ZBTB8B: variants seen among roughly 807,000 people sequenced by gnomAD.
ZBTB8B encodes zinc finger and BTB domain containing 8B.
Under a neutral mutation model 30.3 loss-of-function variants are expected in ZBTB8B, and 17 were observed. The observed-to-expected ratio is 0.56, with a 90% CI of 0.38 to 0.84. The LOEUF is 0.84. Among genes scored for constraint, ZBTB8B ranks in the 40% least tolerant of loss-of-function variants. The pLI is 0.00. For missense variants in ZBTB8B, 515 were observed against 644.9 expected (o/e 0.80, Z 2.18); for synonymous variants, 248 against 255.6 (o/e 0.97, Z 0.28).
At position 32,487,415 on chromosome 1, in the gene ZBTB8B, G is replaced by A. The variant is rs969167316; in HGVS notation, c.*1997G>A. ...GCTTTGTCTTCTTGAGTGAGGTATG[G>A]ACCAGTTCAGTTCTGGTCAGCTAGA... On this transcript the variant is annotated 3_prime_UTR_variant, in exon 4 of 4. Transcript: ENST00000609129. 6.6e-6 allele frequency: 1 copy of A among 152,244 alleles called. No individual in the cohort carries two copies. Among genetic ancestry groups the A allele is most frequent in the African/African-American group, 2.4e-5 (1 of 41,458 alleles). The allele number at this position is 152,244 out of a possible 1,614,324, so 9.4% of individuals were successfully genotyped here.
rs766850865 is a variant in ZBTB8B, at chr1:32,471,121, A to AG, written c.501dup (p.Thr168AspfsTer29). ...AGTGAAAGCCCCAGTTCAGGCCGGGAGGGGACCTCCTGTGGTACCAAGAGC... is the reference window on the plus strand; with the variant it reads ...AGTGAAAGCCCCAGTTCAGGCCGGGAGGGGGACCTCCTGTGGTACCAAGAGC... On this transcript the variant is annotated frameshift_variant, in exon 2 of 4. Coordinates refer to ENST00000609129, the MANE Select transcript of ZBTB8B (RefSeq NM_001145720.2). LOFTEE classifies it high-confidence loss of function. 1 of 1,551,590 alleles carries AG rather than the reference A, an allele frequency of 6.4e-7. No individual in the cohort carries two copies. The highest frequency in any genetic ancestry group is 1.2e-5 in the South Asian group (1 of 84,060).
At position 32,470,673 on chromosome 1, in the gene ZBTB8B, C is replaced by A. The variant is rs1198704704; in HGVS notation, c.49C>A (p.Gln17Lys). The change falls in exon 2 of 4, where the codon CAG becomes AAG. Residue 17 changes from glutamine (Q) to lysine (K), a missense_variant. By Grantham distance (53) the Gln-to-Lys change is moderately conservative. Transcript: ENST00000609129. ...YAKLLGELNE[Q>K]RKRDFFCDCS... ...CAAGCTTTTGGGGGAGCTGAATGAA[C>A]AGAGAAAGAGGGACTTTTTCTGTGA... is the stretch of plus-strand genomic sequence containing the variant. 1 of 1,551,622 alleles carries A rather than the reference C, an allele frequency of 6.4e-7. No individual in the cohort carries two copies. Among genetic ancestry groups the A allele is most frequent in the Admixed American group, 2.0e-5 (1 of 50,976 alleles).
Position 32,484,717 on chromosome 1 carries a change from G to A in ZBTB8B, c.1171-384G>A, listed in dbSNP as rs1643730849. Among the ~76,000 whole-genome samples the A allele has an allele frequency of 6.6e-6, 1 of 152,088 alleles. No homozygotes were observed. The highest frequency in any genetic ancestry group is 6.6e-5 in the Admixed American group (1 of 15,250). ...TAGTGAGTTTTCATGAGATCTGGTT[G>A]TTTGAAAATATGTGTTACCTCCCCC... On this transcript the variant is annotated intron_variant, in intron 3 of 3. Coordinates refer to ENST00000609129, the MANE Select transcript of ZBTB8B (RefSeq NM_001145720.2). The surrounding 1 kb of genome is among the most constrained non-coding windows in gnomAD (Gnocchi z 4.5).
intron 2 of ZBTB8B, among the ~76,000 whole-genome samples, chr1:32,472,499 G>A (rs963939816): frequency 6.6e-6 from 1 of 152,202 alleles, no homozygotes; most frequent in African/African-American, 2.4e-5. Context: ...GTGATGTCCA[G>A]AGATATATGC....
chr1:32,480,231 C>T (rs1643694118), intron 2 of ZBTB8B, among the ~76,000 whole-genome samples: 1 of 151,416 alleles, frequency 6.6e-6, no homozygotes, highest in Admixed American at 6.6e-5. Context: ...TGGCAGCCTT[C>T]CCACTGTGTC....
chr1:32,470,886 T>C lies in ZBTB8B; in HGVS notation c.262T>C (p.Leu88=), dbSNP rs752241924. 164 of 1,551,862 alleles carry C rather than the reference T, an allele frequency of 1.1e-4. 1 individual carries two copies. In the Admixed American group the frequency reaches 3.1e-3, roughly 30 times the overall value. ...IILDFLYSGK[L]DLCGENVIEV... is the part of the protein sequence containing the mutation. ...CTTAGATTTCCTCTATTCTGGGAAG[T>C]TGGATTTGTGTGGGGAGAATGTGAT... The change falls in exon 2 of 4, where the codon TTG becomes CTG. Residue 88 remains leucine (L), a synonymous_variant. Coordinates refer to ENST00000609129, the MANE Select transcript of ZBTB8B (RefSeq NM_001145720.2).
Position 32,471,545 on chromosome 1 carries a change from A to C in ZBTB8B, c.921A>C (p.Arg307Ser). 1 of 1,551,780 alleles carries C rather than the reference A, an allele frequency of 6.4e-7. No homozygotes were observed. The highest frequency in any genetic ancestry group is 8.7e-7 in the Non-Finnish European group (1 of 1,147,012). The change falls in exon 2 of 4, where the codon AGA becomes AGC. Residue 307 changes from arginine (R) to serine (S), a missense_variant. Physicochemically the swap from Arg to Ser is moderately radical, Grantham distance 110 (BLOSUM62 -1). This residue lies in a region of ZBTB8B where 429 missense variants were observed against 504.3 expected (regional missense o/e 0.85). Coordinates refer to ENST00000609129, the MANE Select transcript of ZBTB8B (RefSeq NM_001145720.2). ...DHHFSRSLEG[R>S]PEGAGVAMSS... ...ACTTTTCTAGGAGTTTGGAAGGAAGACCAGAAGGTGCAGGAGTAGCCATGA... is the reference window on the plus strand; with the variant it reads ...ACTTTTCTAGGAGTTTGGAAGGAAGCCCAGAAGGTGCAGGAGTAGCCATGA...
intron 2 of ZBTB8B, among the ~76,000 whole-genome samples, chr1:32,478,935 T>C (rs915873567): frequency 2.0e-5 from 3 of 152,218 alleles, no homozygotes; most frequent in Admixed American, 2.0e-4. Context: ...TGGCTGACAT[T>C]TGCAAGTTCT....
intron 3 of ZBTB8B, among the ~76,000 whole-genome samples, chr1:32,482,966 G>C (rs1034279276): frequency 2.0e-5 from 3 of 151,758 alleles, no homozygotes; most frequent in African/African-American, 7.3e-5. Context: ...GCTAATTGTG[G>C]GTGGCTCTCC....
At chr1:32,482,909 T>TAAATGC (rs1187747837) in intron 3 of ZBTB8B, among the ~76,000 whole-genome samples, 2 of 151,554 alleles carry the variant, frequency 1.3e-5, no homozygotes, top group East Asian at 3.9e-4. Flanking sequence ...ACTCATAGGG[T>TAAATGC]AAATGCAAAT....
At position 32,496,032 on chromosome 1, in the gene ZBTB8B, A is replaced by G. The variant is rs1016388604; in HGVS notation, c.*10614A>G. The stretch of plus-strand genomic sequence containing the variant: ...AATTCTAATGGAGAATTTTATGGAC[A>G]AGATTTTAGTTAAGGAAAAAAATAA... On this transcript the variant is annotated 3_prime_UTR_variant, in exon 4 of 4. Transcript: ENST00000609129. 3.9e-5 allele frequency: 6 copies of G among 152,226 alleles called. No individual in the cohort carries two copies. The highest frequency in any genetic ancestry group is 1.4e-4 in the African/African-American group (6 of 41,464). The allele number at this position is 152,226 out of a possible 1,614,324, so 9.4% of individuals were successfully genotyped here. A position where few individuals can be genotyped will look rare whatever the true frequency, so the allele number is the denominator to read the frequency against.
chr1:32,485,654 T>G lies in ZBTB8B; in HGVS notation c.*236T>G. ...GGCTTTGCTGGCCACTCCTTAATTC[T>G]GAGTGAGTCAAAGCAGGCCCTGAGG... On this transcript the variant is annotated 3_prime_UTR_variant, in exon 4 of 4. Coordinates refer to ENST00000609129, the MANE Select transcript of ZBTB8B (RefSeq NM_001145720.2). 1 of 523,516 alleles carries G rather than the reference T, an allele frequency of 1.9e-6. No homozygotes were observed. The highest frequency in any genetic ancestry group is 3.3e-5 in the Admixed American group (1 of 30,292). 32.4% of individuals were successfully genotyped at this position (523,516 alleles called of 1,614,324 possible).
chr1:32,485,258 G>T lies in ZBTB8B; in HGVS notation c.1328G>T (p.Ser443Ile). 6.4e-7 allele frequency: 1 copy of T among 1,552,112 alleles called. No homozygotes were observed. The highest frequency in any genetic ancestry group is 8.7e-7 in the Non-Finnish European group (1 of 1,147,100). The change falls in exon 4 of 4, where the codon AGC becomes ATC. Residue 443 changes from serine (S) to isoleucine (I), a missense_variant. Ser to Ile is a moderately radical substitution (Grantham distance 142, BLOSUM62 -2). This residue lies in a region of ZBTB8B where 429 missense variants were observed against 504.3 expected (regional missense o/e 0.85). Transcript: ENST00000609129. Reference protein sequence around the residue: ...DDDDLMPINLSLVEASSESQE... With the variant: ...DDDDLMPINLILVEASSESQE... ...GATGATTTGATGCCCATCAACCTTA[G>T]CTTGGTGGAGGCTTCATCTGAAAGC...
intron 3 of ZBTB8B, among the ~76,000 whole-genome samples, chr1:32,482,900 C>T (rs1643716135): frequency 6.6e-6 from 1 of 151,774 alleles, no homozygotes; most frequent in African/African-American, 2.4e-5. Flanking sequence ...AACATCATTA[C>T]TCATAGGGTA....
chr1:32,493,665 A>C lies in ZBTB8B; in HGVS notation c.*8247A>C, dbSNP rs1341993411. The C allele has an allele frequency of 6.6e-6, 1 of 151,644 alleles. No homozygotes were observed. Among genetic ancestry groups the C allele is most frequent in the Non-Finnish European group, 1.5e-5 (1 of 67,964 alleles). 9.4% of individuals were successfully genotyped at this position (151,644 alleles called of 1,614,324 possible). On this transcript the variant is annotated 3_prime_UTR_variant, in exon 4 of 4. Coordinates refer to ENST00000609129, the MANE Select transcript of ZBTB8B (RefSeq NM_001145720.2). ...GGTTGCAGTGAGCTGAGATAATGCC[A>C]CTGCACTCCAGCCTGGGCGACGGAG...
At chr1:32,472,485 T>A (rs1259863205) in intron 2 of ZBTB8B, among the ~76,000 whole-genome samples, 1 of 152,200 alleles carries the variant, frequency 6.6e-6, no homozygotes, top group Non-Finnish European at 1.5e-5. Flanking sequence ...AGAATGAGAT[T>A]GAAGTGATGT....
chr1:32,480,806 C>G (rs1643698000), intron 2 of ZBTB8B, 85 bp from the exon 3 acceptor site: 1 of 1,340,408 alleles, frequency 7.5e-7, no homozygotes, highest in East Asian at 2.6e-5. Flanking sequence ...GTGGAATTCC[C>G]CAGCTCTGGA....
chr1:32,476,925 C>A (rs892342262), intron 2 of ZBTB8B, among the ~76,000 whole-genome samples: 1 of 152,178 alleles, frequency 6.6e-6, no homozygotes, highest in Non-Finnish European at 1.5e-5. Context: ...GAGCCTGACA[C>A]ATAGTGAGTG....
chr1:32,479,838 T>C (rs1643691356), intron 2 of ZBTB8B, among the ~76,000 whole-genome samples: 1 of 152,234 alleles, frequency 6.6e-6, no homozygotes, highest in South Asian at 2.1e-4. Context: ...AATGGTTATA[T>C]GAGCAAGGTG....
Sources: gnomAD v4.1 joint callset for allele counts (sites outside exome capture counted in the v4.1 genomes callset) on GRCh38, gnomAD v4.1.1 for gene constraint, gnomAD v4.1.1 regional missense constraint, Gnocchi (gnomAD v3.1) non-coding constraint, MANE v1.5 for transcripts, NCBI Gene and HGNC (gene_info 2026-07-23, HGNC 2026-07-21) for gene names.